The following NAALADL2 variants were observed in gnomAD, a reference collection of about 807,000 sequenced individuals.
NAALADL2 encodes the protein inactive N-acetylated-alpha-linked acidic dipeptidase-like protein 2.
NAALADL2 carries 76 observed loss-of-function variants against 87.2 expected under a neutral mutation model. The observed-to-expected ratio is 0.87, with a 90% CI of 0.72 to 1.05. The LOEUF is 1.05. Among genes scored for constraint, NAALADL2 ranks in the 50% least tolerant of loss-of-function variants. The probability of loss-of-function intolerance (pLI) is 0.00; values close to 1 mark genes in which losing one functional copy is unlikely to be tolerated. For missense variants in NAALADL2, 1,089 were observed against 945.8 expected, an observed-to-expected ratio of 1.15 and a Z score of -1.99; for synonymous variants, 354 against 331.0, an observed-to-expected ratio of 1.07 and a Z score of -0.75.
chr3:175,521,864 T>G (rs554139004), intron 9 of NAALADL2, among the ~76,000 whole-genome samples: 1 of 152,190 alleles, frequency 6.6e-6, no homozygotes, highest in East Asian at 1.9e-4. Context: ...CCATGCAGTT[T>G]GCAGTGCTTT....
intron 3 of NAALADL2, among the ~76,000 whole-genome samples, chr3:174,738,264 C>T (rs758639304): frequency 3.3e-5 from 5 of 152,056 alleles, no homozygotes; most frequent in Admixed American, 6.6e-5. Flanking sequence ...TGGCTTAATA[C>T]GTATAAAACT....
intron 9 of NAALADL2, among the ~76,000 whole-genome samples, chr3:175,547,739 G>A (rs561056763): frequency 1.5e-4 from 23 of 151,802 alleles, no homozygotes; most frequent in African/African-American, 5.5e-4. Context: ...AAAGTAGTGG[G>A]CAGAGGTCAC....
chr3:174,462,213 C>T (rs559509894), intron 1 of NAALADL2, among the ~76,000 whole-genome samples: 2 of 151,678 alleles, frequency 1.3e-5, no homozygotes, highest in South Asian at 2.1e-4. Context: ...AATGTTATCC[C>T]GTATTTCCAC....
chr3:175,435,097 T>G (rs1210660253), intron 5 of NAALADL2, among the ~76,000 whole-genome samples: 1 of 152,034 alleles, frequency 6.6e-6, no homozygotes, highest in East Asian at 1.9e-4. Context: ...TAAAAAATAT[T>G]TATCAGTATC....
intron 5 of NAALADL2, among the ~76,000 whole-genome samples, chr3:175,355,593 C>A (rs1404515304): frequency 6.6e-6 from 1 of 152,126 alleles, no homozygotes; most frequent in African/African-American, 2.4e-5. Context: ...GGTTTATAAT[C>A]TAGTTTTGCT....
intron 3 of NAALADL2, among the ~76,000 whole-genome samples, chr3:175,250,019 AT>A (rs1230168741): frequency 6.6e-6 from 1 of 151,958 alleles, no homozygotes; most frequent in African/African-American, 2.4e-5. Context: ...AAAATGCAAA[AT>A]TAGCCGGGCG....
chr3:175,788,596 A>C (rs2108275024), intron 13 of NAALADL2, among the ~76,000 whole-genome samples: 1 of 152,318 alleles, frequency 6.6e-6, no homozygotes, highest in South Asian at 2.1e-4. Flanking sequence ...TGTTTGGGTA[A>C]GTACATGCCA....
chr3:174,603,858 A>G (rs965458663), intron 2 of NAALADL2, among the ~76,000 whole-genome samples: 1 of 151,848 alleles, frequency 6.6e-6, no homozygotes, highest in Non-Finnish European at 1.5e-5. Flanking sequence ...ATTTCCATGT[A>G]TTTGCATTGT....
At chr3:174,629,662 A>T (rs1161711186) in intron 2 of NAALADL2, among the ~76,000 whole-genome samples, 1 of 152,226 alleles carries the variant, frequency 6.6e-6, no homozygotes, top group Non-Finnish European at 1.5e-5. Context: ...TGATACCGTT[A>T]TATCTTTTCA....
chr3:175,293,098 T>C (rs73881459), intron 4 of NAALADL2, among the ~76,000 whole-genome samples: 12,284 of 148,818 alleles, frequency 0.083, 1,650 homozygotes, highest in African/African-American at 0.29. Context: ...AAAGATTTAG[T>C]GTAATTTTGG....
intron 12 of NAALADL2, among the ~76,000 whole-genome samples, chr3:175,744,657 A>T (rs1334409905): frequency 6.6e-6 from 1 of 152,242 alleles, no homozygotes; most frequent in East Asian, 1.9e-4. Context: ...GTCAAAGATT[A>T]TTCAAATAGT....
In NAALADL2 at chr3:175,337,710, AAAAC is replaced by A. The variant is rs200621187; in HGVS notation, c.1090+13399_1090+13402del. Among the ~76,000 whole-genome samples, 223 of 152,324 alleles carry A rather than the reference AAAAC, an allele frequency of 1.5e-3. 2 individuals carry two copies. In the East Asian group the frequency reaches 0.032, roughly 22 times the overall value. On this transcript the variant is annotated intron_variant, in intron 5 of 13. Transcript: ENST00000454872. The stretch of plus-strand genomic sequence containing the variant: ...ATGGCAACCCTAGCAAACTAATACA[AAAAC>A]AAACAAACAAACAGCTTCTTTGACT...
At chr3:175,285,634 T>C (rs1285813467) in intron 4 of NAALADL2, among the ~76,000 whole-genome samples, 1 of 152,184 alleles carries the variant, frequency 6.6e-6, no homozygotes, top group Non-Finnish European at 1.5e-5. Context: ...CTCAAGTTTT[T>C]CTTTTATTTT....
rs1408823419 is a variant in NAALADL2 at position 174,616,931 on chromosome 3, G to A, written c.-115+66294G>A. On this transcript the variant is annotated intron_variant, in intron 2 of 3. Coordinates refer to the NAALADL2 transcript ENST00000434257. ...TTATGTATACTTATATATACCTGTT[G>A]TATTGTTTTAATAGTCATTAAATTT... Among the ~76,000 whole-genome samples, 6 of 151,794 alleles carry A rather than the reference G, an allele frequency of 4.0e-5. No individual in the cohort carries two copies. In the Middle Eastern group the frequency reaches 0.01, roughly 258 times the overall value.
chr3:174,918,327 C>A (rs1373504401), intron 1 of NAALADL2, among the ~76,000 whole-genome samples: 1 of 151,816 alleles, frequency 6.6e-6, no homozygotes, highest in Non-Finnish European at 1.5e-5. Context: ...GGGATATTAG[C>A]CCCTCTGCTT....
chr3:174,578,659 CTT>C (rs1201739913), intron 2 of NAALADL2, among the ~76,000 whole-genome samples: 1 of 151,854 alleles, frequency 6.6e-6, no homozygotes, highest in Non-Finnish European at 1.5e-5. Context: ...CAGATGGTAA[CTT>C]TGATGTACGG....
chr3:174,881,345 A>G (rs1428145164), intron 1 of NAALADL2, among the ~76,000 whole-genome samples: 2 of 152,146 alleles, frequency 1.3e-5, no homozygotes, highest in African/African-American at 4.8e-5. Flanking sequence ...TTTGTGTTTT[A>G]AAATTTTTCA....
chr3:174,757,309 G>A (rs902636143), intron 3 of NAALADL2, among the ~76,000 whole-genome samples: 5 of 152,140 alleles, frequency 3.3e-5, no homozygotes, highest in African/African-American at 1.2e-4. Context: ...GGATATCATG[G>A]CTGAGGTAGC....
chr3:175,014,139 C>G (rs1044663380), intron 1 of NAALADL2, among the ~76,000 whole-genome samples: 1 of 152,074 alleles, frequency 6.6e-6, no homozygotes, highest in Non-Finnish European at 1.5e-5. Flanking sequence ...TCCATATTAT[C>G]TTTCCAACCT....
Sources: gnomAD v4.1 joint callset for allele counts (sites outside exome capture counted in the v4.1 genomes callset) on GRCh38, gnomAD v4.1.1 for gene constraint, MANE v1.5 for transcripts, NCBI Gene and HGNC (gene_info 2026-07-23, HGNC 2026-07-21) for gene names.